The following ATXN10 variants were observed in gnomAD, a reference collection of about 807,000 sequenced individuals.
The protein encoded by ATXN10 is ataxin-10.
In ATXN10, 28 loss-of-function variants were observed where a neutral mutation model predicts 52.9. That is an observed-to-expected ratio of 0.53 (90% CI 0.39 to 0.73). ATXN10 has a LOEUF of 0.73. Among genes scored for constraint, ATXN10 ranks in the 30% least tolerant of loss-of-function variants. The probability of loss-of-function intolerance (pLI) is 0.00; values close to 1 mark genes in which losing one functional copy is unlikely to be tolerated. For missense variants in ATXN10, 565 were observed against 577.0 expected (o/e 0.98, Z 0.21); for synonymous variants, 226 against 221.5 (o/e 1.02, Z -0.18).
chr22:45,696,800 C>A lies in ATXN10; in HGVS notation c.392-3482C>A, dbSNP rs1480295363. On this transcript the variant is annotated intron_variant, in intron 3 of 11. Coordinates refer to ENST00000252934, the MANE Select transcript of ATXN10 (RefSeq NM_013236.4). This position sits in a 1 kb window ranked among gnomAD's most constrained non-coding sequence, Gnocchi z 4.7. The stretch of plus-strand genomic sequence containing the variant: ...TCATCCTTCACAGGATTACTTTCCA[C>A]TGAAGCAGGTAGATGACCTAAGAAA... Among the ~76,000 whole-genome samples the A allele has an allele frequency of 6.6e-6, 1 of 152,198 alleles. No individual in the cohort carries two copies. The highest frequency in any genetic ancestry group is 1.5e-5 in the Non-Finnish European group (1 of 68,044).
intron 9 of ATXN10, among the ~76,000 whole-genome samples, chr22:45,788,943 C>G (rs976486778): frequency 6.6e-5 from 10 of 152,084 alleles, no homozygotes; most frequent in Non-Finnish European, 1.2e-4. Context: ...GCCACCATGC[C>G]CAGCCAGGAG....
chr22:45,835,815 A>G lies in ATXN10; in HGVS notation c.1238-7176A>G, dbSNP rs1929149430. Among the ~76,000 whole-genome samples the G allele has an allele frequency of 6.6e-6, 1 of 152,208 alleles. No homozygotes were observed. Among genetic ancestry groups the G allele is most frequent in the Admixed American group, 6.5e-5 (1 of 15,278 alleles). On this transcript the variant is annotated intron_variant, in intron 10 of 11. Coordinates refer to ENST00000252934, the MANE Select transcript of ATXN10 (RefSeq NM_013236.4). The surrounding 1 kb of genome is among the most constrained non-coding windows in gnomAD (Gnocchi z 5.0). ...TTGTAACCTATAATTTCCAAATCTGACAATTATTTCTCTGCCTTCTTTTAG... is the reference window on the plus strand; with the variant it reads ...TTGTAACCTATAATTTCCAAATCTGGCAATTATTTCTCTGCCTTCTTTTAG...
At chr22:45,796,923 T>A (rs957791030) in intron 9 of ATXN10, among the ~76,000 whole-genome samples, 2 of 152,180 alleles carry the variant, frequency 1.3e-5, no homozygotes, top group Non-Finnish European at 2.9e-5. Flanking sequence ...ATAAGAAAGC[T>A]GGAGTGGCTA....
chr22:45,695,216 G>C (rs9754476), intron 3 of ATXN10, among the ~76,000 whole-genome samples: 34,661 of 149,992 alleles, frequency 0.23, 5,119 homozygotes, highest in African/African-American at 0.43. Context: ...CCCAGCTACT[G>C]GGGAGGCTGA....
intron 9 of ATXN10, chr22:45,793,384 T>C (rs1436449298): frequency 7.0e-6 from 2 of 285,774 alleles, no homozygotes; most frequent in Non-Finnish European, 1.2e-5. Flanking sequence ...CTGCTGTCCA[T>C]CATCCAAATA....
Position 45,783,484 on chromosome 22 carries a change from A to T in ATXN10, c.1174-23475A>T, listed in dbSNP as rs1446392295. 6.6e-6 allele frequency among the ~76,000 whole-genome samples: 1 copy of T among 152,200 alleles called. No individual in the cohort carries two copies. The highest frequency in any genetic ancestry group is 1.5e-5 in the Non-Finnish European group (1 of 68,042). ...TCTGTTGCTTTCAGGACAAAGTTAA[A>T]ACTGGTAAGCTTGGCCTTCAGGGCT... On this transcript the variant is annotated intron_variant, in intron 9 of 11. Coordinates refer to ENST00000252934, the MANE Select transcript of ATXN10 (RefSeq NM_013236.4). The surrounding 1 kb of genome is among the most constrained non-coding windows in gnomAD (Gnocchi z 5.0).
chr22:45,738,201 C>T (rs1925373964), intron 7 of ATXN10, among the ~76,000 whole-genome samples: 1 of 152,160 alleles, frequency 6.6e-6, no homozygotes, highest in Admixed American at 6.5e-5. Flanking sequence ...TCTTTCTAAT[C>T]TACCAAGATA....
intron 1 of ATXN10, among the ~76,000 whole-genome samples, chr22:45,682,169 C>G (rs1360244180): frequency 2.6e-5 from 4 of 152,218 alleles, no homozygotes; most frequent in African/African-American, 2.4e-5. Context: ...CTCCATTTCC[C>G]TGAGTGATAA....
At chr22:45,765,933 A>T (rs1460826188) in intron 9 of ATXN10, among the ~76,000 whole-genome samples, 2 of 152,216 alleles carry the variant, frequency 1.3e-5, no homozygotes, top group Admixed American at 1.3e-4. Flanking sequence ...AAATTCCCTG[A>T]AAAAGAAAAA....
chr22:45,751,427 T>TCA (rs144438035), intron 9 of ATXN10, among the ~76,000 whole-genome samples: 1 of 148,068 alleles, frequency 6.8e-6, no homozygotes, highest in Non-Finnish European at 1.5e-5. Context: ...TGTGTGTTTT[T>TCA]GAGAGAGAGA....
rs773486318 is a variant in ATXN10, at chr22:45,688,327, A to G, written c.117-1385A>G. Among the ~76,000 whole-genome samples, 147 of 152,174 alleles carry G rather than the reference A, an allele frequency of 9.7e-4. 1 individual carries two copies. Among genetic ancestry groups the G allele is most frequent in the Non-Finnish European group, 1.5e-3 (100 of 68,032 alleles). ...ATTAATTTATACTCTGCCTCTTTCA[A>G]AACCAAGTTTGAGATACCTTAAAAA... On this transcript the variant is annotated intron_variant, in intron 1 of 11. Coordinates refer to ENST00000252934, the MANE Select transcript of ATXN10 (RefSeq NM_013236.4). This position sits in a 1 kb window ranked among gnomAD's most constrained non-coding sequence, Gnocchi z 4.0.
chr22:45,791,424 T>C lies in ATXN10; in HGVS notation c.1174-15535T>C, dbSNP rs374658238. On this transcript the variant is annotated intron_variant, in intron 9 of 11. Coordinates refer to ENST00000252934, the MANE Select transcript of ATXN10 (RefSeq NM_013236.4). ...TGTAAACTTTCCTTTACCTATGACA[T>C]TTACTATGGGTTTCTGACACATAGC... Among the ~76,000 whole-genome samples the C allele has an allele frequency of 6.6e-5, 10 of 152,298 alleles. No individual in the cohort carries two copies. The South Asian group carries it at 1.7e-3, about 25-fold the overall frequency.
At position 45,684,154 on chromosome 22, in the gene ATXN10, A is replaced by G. The variant is rs1465666651; in HGVS notation, c.117-5558A>G. ...GTTTTTTTGTTTTTTTTTTTTTTGT[A>G]GAGATAGGGTCTTGCTATGTTAGGC... On this transcript the variant is annotated intron_variant, in intron 1 of 11. Transcript: ENST00000252934. The surrounding 1 kb of genome is among the most constrained non-coding windows in gnomAD (Gnocchi z 4.1). Among the ~76,000 whole-genome samples the G allele has an allele frequency of 7.0e-6, 1 of 142,174 alleles. No individual in the cohort carries two copies. The highest frequency in any genetic ancestry group is 2.6e-5 in the African/African-American group (1 of 38,118). The allele number at this position is 142,174 out of a possible 152,430, so 93.3% of individuals were successfully genotyped here.
At chr22:45,832,430 G>T (rs1469793921) in intron 10 of ATXN10, among the ~76,000 whole-genome samples, 1 of 152,174 alleles carries the variant, frequency 6.6e-6, no homozygotes, top group East Asian at 1.9e-4. Context: ...TTTCAGCTCT[G>T]ATGTTAATTC....
At chr22:45,751,763 A>AAAAAAAAAAAAAAAAAAAAATAATAAT in intron 9 of ATXN10, among the ~76,000 whole-genome samples, 4 of 66,626 alleles carry the variant, frequency 6.0e-5, no homozygotes, top group Admixed American at 3.0e-4. Flanking sequence ...AATAAAAAAA[A>AAAAAAAAAAAAAAAAAAAAATAATAAT]AATAATAATA....
chr22:45,682,315 ACTT>A (rs1922956635), intron 1 of ATXN10, among the ~76,000 whole-genome samples: 2 of 148,506 alleles, frequency 1.3e-5, no homozygotes. Flanking sequence ...CTTTAGCTGG[ACTT>A]CTTTGTTTTT....
chr22:45,747,084 A>G (rs1182324532), intron 9 of ATXN10, among the ~76,000 whole-genome samples: 1 of 152,094 alleles, frequency 6.6e-6, no homozygotes, highest in East Asian at 1.9e-4. Flanking sequence ...CATGAAACCC[A>G]TCTCCCAAGG....
rs182563219 is a variant in ATXN10, at chr22:45,684,253, G to A, written c.117-5459G>A. 2.9e-3 allele frequency among the ~76,000 whole-genome samples: 443 copies of A among 151,870 alleles called. 2 individuals carry two copies. The highest frequency in any genetic ancestry group is 8.7e-3 in the South Asian group (42 of 4,816). Reference sequence around the variant, plus strand: ...GGCATATGAACCACTGCGCCTGGCCGCCTTAGTTCCTTTCATTTAGCACAG... The same window carrying A: ...GGCATATGAACCACTGCGCCTGGCCACCTTAGTTCCTTTCATTTAGCACAG... On this transcript the variant is annotated intron_variant, in intron 1 of 11. Coordinates refer to ENST00000252934, the MANE Select transcript of ATXN10 (RefSeq NM_013236.4). This position sits in a 1 kb window ranked among gnomAD's most constrained non-coding sequence, Gnocchi z 4.1.
rs1415032750 is a variant in ATXN10 at position 45,696,697 on chromosome 22, T to C, written c.392-3585T>C. 1.3e-5 allele frequency among the ~76,000 whole-genome samples: 2 copies of C among 152,252 alleles called. No homozygotes were observed. The highest frequency in any genetic ancestry group is 2.4e-5 in the African/African-American group (1 of 41,472). Reference sequence around the variant, plus strand: ...TGACTCCATGTCCCCGTCAGTCCAGTATCTCGTTTTTCTGCTCTATCCCAA... The same window carrying C: ...TGACTCCATGTCCCCGTCAGTCCAGCATCTCGTTTTTCTGCTCTATCCCAA... On this transcript the variant is annotated intron_variant, in intron 3 of 11. Coordinates refer to ENST00000252934, the MANE Select transcript of ATXN10 (RefSeq NM_013236.4). The surrounding 1 kb of genome is among the most constrained non-coding windows in gnomAD (Gnocchi z 4.7).
Sources: gnomAD v4.1 joint callset for allele counts (sites outside exome capture counted in the v4.1 genomes callset) on GRCh38, gnomAD v4.1.1 for gene constraint, Gnocchi (gnomAD v3.1) non-coding constraint, MANE v1.5 for transcripts, NCBI Gene and HGNC (gene_info 2026-07-23, HGNC 2026-07-21) for gene names.